ITPR2: variants seen among roughly 807,000 people sequenced by gnomAD.
ITPR2 encodes inositol 1,4,5-trisphosphate-gated calcium channel ITPR2.
Under a neutral mutation model 317.1 loss-of-function variants are expected in ITPR2, and 207 were observed. That is an observed-to-expected ratio of 0.65 (90% CI 0.58 to 0.73). ITPR2 has a LOEUF of 0.73. ITPR2 is among the 30% of genes least tolerant of loss of function. The pLI, the probability that ITPR2 is intolerant of heterozygous loss-of-function variation, is 0.00. For synonymous variants in ITPR2, 1,156 were observed against 1,149.1 expected, an observed-to-expected ratio of 1.01 and a Z score of -0.12; for missense variants, 2,613 against 3,284.0, an observed-to-expected ratio of 0.80 and a Z score of 4.99.
intron 39 of ITPR2, among the ~76,000 whole-genome samples, chr12:26,491,881 A>C (rs1372279026): frequency 6.6e-6 from 1 of 152,182 alleles, no homozygotes; most frequent in Non-Finnish European, 1.5e-5. Flanking sequence ...AGACATGTTG[A>C]GTTTAAGGCA....
At chr12:26,739,607 T>C (rs1006696836) in intron 2 of ITPR2, among the ~76,000 whole-genome samples, 4 of 152,144 alleles carry the variant, frequency 2.6e-5, no homozygotes, top group Non-Finnish European at 5.9e-5. Context: ...GGCAAAACTA[T>C]AGCATCCAAA....
chr12:26,587,124 A>C (rs1270301233), intron 32 of ITPR2, among the ~76,000 whole-genome samples: 1 of 151,574 alleles, frequency 6.6e-6, no homozygotes, highest in Non-Finnish European at 1.5e-5. Flanking sequence ...TTTCAAATCC[A>C]CTTTTAAAAT....
At chr12:26,482,444 G>C (rs1277266780) in intron 42 of ITPR2, among the ~76,000 whole-genome samples, 2 of 152,130 alleles carry the variant, frequency 1.3e-5, no homozygotes, top group African/African-American at 2.4e-5. Context: ...ATTCTTACAA[G>C]CTTTCCTGGA....
Position 26,621,283 on chromosome 12 carries a change from AC to A in ITPR2, c.3301del (p.Val1101CysfsTer6). On this transcript the variant is annotated frameshift_variant, in exon 26 of 57. Coordinates refer to ENST00000381340, the MANE Select transcript of ITPR2 (RefSeq NM_002223.4). LOFTEE classifies it high-confidence loss of function. ...LQAFKQVQLL[V>X]SNQDVDNYKQ... Reference sequence around the variant, plus strand: ...GTAGTTATCTACGTCTTGATTAGACACCAGTAATTGCACCTAAAACAGAAGA... The same window carrying A: ...GTAGTTATCTACGTCTTGATTAGACACAGTAATTGCACCTAAAACAGAAGA... The A allele has an allele frequency of 1.2e-6, 2 of 1,609,378 alleles. No homozygotes were observed. Among genetic ancestry groups the A allele is most frequent in the African/African-American group, 2.7e-5 (2 of 74,834 alleles).
intron 2 of ITPR2, among the ~76,000 whole-genome samples, chr12:26,782,378 G>A (rs1211727933): frequency 2.6e-5 from 4 of 151,056 alleles, no homozygotes; most frequent in Non-Finnish European, 4.4e-5. Context: ...TTTGTACCTG[G>A]CAACAGTTAA....
chr12:26,599,712 G>C (rs1398725908), intron 29 of ITPR2, among the ~76,000 whole-genome samples: 1 of 152,058 alleles, frequency 6.6e-6, no homozygotes, highest in Non-Finnish European at 1.5e-5. Flanking sequence ...ATGGTATTGT[G>C]AGTTAGTTCT....
intron 15 of ITPR2, among the ~76,000 whole-genome samples, chr12:26,661,000 T>TA (rs1350250455): frequency 1.3e-5 from 2 of 151,762 alleles, no homozygotes; most frequent in Non-Finnish European, 2.9e-5. Context: ...TTAAATGTTC[T>TA]AAAAAATCAG....
chr12:26,828,237 T>C (rs1592165096), intron 1 of ITPR2, among the ~76,000 whole-genome samples: 2 of 147,744 alleles, frequency 1.4e-5, no homozygotes, highest in East Asian at 4.0e-4. Flanking sequence ...GCAGAAAGTG[T>C]ACAAATAATG....
chr12:26,364,055 T>C (rs1241173180), intron 55 of ITPR2, among the ~76,000 whole-genome samples: 1 of 152,180 alleles, frequency 6.6e-6, no homozygotes, highest in Non-Finnish European at 1.5e-5. Context: ...CCCGTGGATA[T>C]TTGGCTAGGC....
At chr12:26,794,693 T>C (rs1287654213) in intron 1 of ITPR2, among the ~76,000 whole-genome samples, 1 of 152,244 alleles carries the variant, frequency 6.6e-6, no homozygotes, top group Non-Finnish European at 1.5e-5. Flanking sequence ...CAATCACTGA[T>C]TGCATGCCAC....
At chr12:26,817,540 CCTGCCATTTT>C in intron 1 of ITPR2, among the ~76,000 whole-genome samples, 1 of 152,324 alleles carries the variant, frequency 6.6e-6, no homozygotes, top group African/African-American at 2.4e-5. Context: ...TCCTCCTCTG[CCTGCCATTTT>C]CAGCCTTTTT....
intron 2 of ITPR2, among the ~76,000 whole-genome samples, chr12:26,763,417 T>C (rs996885860): frequency 6.6e-6 from 1 of 152,032 alleles, no homozygotes; most frequent in African/African-American, 2.4e-5. Flanking sequence ...CCCATCGAAG[T>C]TTATGAATCC....
intron 13 of ITPR2, among the ~76,000 whole-genome samples, 170 bp downstream of exon 13, chr12:26,681,704 A>G (rs777208382): frequency 3.3e-5 from 5 of 152,220 alleles, no homozygotes; most frequent in Non-Finnish European, 5.9e-5. Flanking sequence ...AAATCTGACA[A>G]ATTTCACTCA....
Position 26,725,677 on chromosome 12 carries a change from G to A in ITPR2, c.252C>T (p.Thr84=), listed in dbSNP as rs760962589. 2.6e-5 allele frequency: 42 copies of A among 1,612,974 alleles called. No individual in the cohort carries two copies. Among genetic ancestry groups the A allele is most frequent in the Non-Finnish European group, 3.3e-5 (39 of 1,179,334 alleles). ...GTAGTTTCTTCAGCAAGGCTGCCTC[G>A]GTGTGGTTCCCTTGTTTGGCTTGCT... ...KAKQAKQGNH[T]EAALLKKLQH... Residue 84 remains threonine, a synonymous_variant, in exon 3 of 57, where the codon ACC becomes ACT. Coordinates refer to ENST00000381340, the MANE Select transcript of ITPR2 (RefSeq NM_002223.4).
chr12:26,392,347 T>G (rs1312270402), intron 54 of ITPR2, among the ~76,000 whole-genome samples: 5 of 152,202 alleles, frequency 3.3e-5, no homozygotes, highest in Non-Finnish European at 7.3e-5. Context: ...CATGCTGACT[T>G]TCTCATCATT....
At chr12:26,778,586 A>G (rs1374203996) in intron 2 of ITPR2, among the ~76,000 whole-genome samples, 2 of 152,236 alleles carry the variant, frequency 1.3e-5, no homozygotes, top group Admixed American at 6.5e-5. Flanking sequence ...AAGGCCAGCA[A>G]TATACCTTCA....
At chr12:26,516,285 GGGAAAGGAAAGGAAAGGAAAGGAAA>G (rs1230277194) in intron 37 of ITPR2, among the ~76,000 whole-genome samples, 1 of 42,854 alleles carries the variant, frequency 2.3e-5, no homozygotes, top group African/African-American at 1.2e-4. Context: ...GGGAAGGGAA[GGGAAAGGAAAGGAAAGGAAAGGAAA>G]GGAAAGGAAA....
chr12:26,713,225 T>G (rs73292358), intron 8 of ITPR2, among the ~76,000 whole-genome samples: 12,919 of 152,180 alleles, frequency 0.085, 971 homozygotes, highest in African/African-American at 0.21. Flanking sequence ...TGTCCCCCAC[T>G]CCACATTTCC....
chr12:26,639,630 CCCA>C (rs1454366240), intron 21 of ITPR2, among the ~76,000 whole-genome samples: 1 of 124,326 alleles, frequency 8.0e-6, no homozygotes, highest in African/African-American at 3.1e-5. Context: ...CTCCCCCCAC[CCCA>C]CGACAGTCCC....
Sources: gnomAD v4.1 joint callset for allele counts (sites outside exome capture counted in the v4.1 genomes callset) on GRCh38, gnomAD v4.1.1 for gene constraint, MANE v1.5 for transcripts, NCBI Gene and HGNC (gene_info 2026-07-23, HGNC 2026-07-21) for gene names.